ZCWPW2: variants seen among roughly 807,000 people sequenced by gnomAD.
ZCWPW2 encodes zinc finger CW-type and PWWP domain containing 2, also known as zinc finger CW-type PWWP domain protein 2.
Under a neutral mutation model 46.6 loss-of-function variants are expected in ZCWPW2, and 45 were observed. The observed-to-expected ratio is 0.96, with a 90% confidence interval of 0.76 to 1.24. ZCWPW2 has a LOEUF of 1.24. Ranked by LOEUF, ZCWPW2 falls within the 50% of genes most tolerant of loss-of-function variation. The pLI, the probability that ZCWPW2 is intolerant of heterozygous loss-of-function variation, is 0.00. For missense variants in ZCWPW2, 429 were observed against 403.9 expected, an observed-to-expected ratio of 1.06 and a Z score of -0.53; for synonymous variants, 152 against 137.1, an observed-to-expected ratio of 1.11 and a Z score of -0.76.
chr3:28,357,334 C>T (rs1354058551), intron 1 of ZCWPW2, among the ~76,000 whole-genome samples: 1 of 152,162 alleles, frequency 6.6e-6, no homozygotes, highest in Non-Finnish European at 1.5e-5. Flanking sequence ...TCACAAAATA[C>T]AGAAGTGAAA....
At chr3:28,360,387 G>C (rs1346583907) in intron 1 of ZCWPW2, among the ~76,000 whole-genome samples, 1 of 150,174 alleles carries the variant, frequency 6.7e-6, no homozygotes, top group Non-Finnish European at 1.5e-5. Flanking sequence ...GCCAGGCATG[G>C]TGGCGGGTGC....
At chr3:28,460,037 T>C (rs1698566803) in intron 4 of ZCWPW2, among the ~76,000 whole-genome samples, 2 of 152,172 alleles carry the variant, frequency 1.3e-5, no homozygotes, top group African/African-American at 4.8e-5. Context: ...TCCCCAGCCC[T>C]ACCTGCAATG....
At chr3:28,352,126 GCACACACA>G (rs111383620) in intron 1 of ZCWPW2, among the ~76,000 whole-genome samples, 170 of 129,698 alleles carry the variant, frequency 1.3e-3, no homozygotes, top group African/African-American at 4.1e-3. Flanking sequence ...TCAGATGTAT[GCACACACA>G]CACACACACA....
chr3:28,427,338 G>C (rs1185092109), intron 3 of ZCWPW2, among the ~76,000 whole-genome samples: 1 of 152,202 alleles, frequency 6.6e-6, no homozygotes, highest in Non-Finnish European at 1.5e-5. Flanking sequence ...CCTCAAGTCT[G>C]AAAAGATGAT....
At chr3:28,351,305 C>G (rs925334426) in intron 1 of ZCWPW2, among the ~76,000 whole-genome samples, 2 of 150,440 alleles carry the variant, frequency 1.3e-5, no homozygotes, top group African/African-American at 4.9e-5. Flanking sequence ...CTTTTTTCCA[C>G]CCCCTACACC....
chr3:28,498,251 G>C (rs1290263479), intron 6 of ZCWPW2, among the ~76,000 whole-genome samples: 1 of 151,444 alleles, frequency 6.6e-6, no homozygotes, highest in Admixed American at 6.6e-5. Flanking sequence ...GTGTGTGTGT[G>C]TGTGTGTGTG....
intron 4 of ZCWPW2, among the ~76,000 whole-genome samples, chr3:28,467,924 A>G (rs1379627642): frequency 6.6e-6 from 1 of 152,182 alleles, no homozygotes; most frequent in African/African-American, 2.4e-5. Context: ...ACTGATGAAC[A>G]TGCACAAGCA....
chr3:28,402,344 T>G (rs1024018981), intron 2 of ZCWPW2, among the ~76,000 whole-genome samples: 3 of 152,114 alleles, frequency 2.0e-5, no homozygotes, highest in Non-Finnish European at 4.4e-5. Context: ...GAAAAATTCC[T>G]GGAAAGATAC....
intron 1 of ZCWPW2, among the ~76,000 whole-genome samples, chr3:28,381,210 A>G (rs909899426): frequency 6.6e-6 from 1 of 151,006 alleles, no homozygotes; most frequent in Non-Finnish European, 1.5e-5. Context: ...GTTCCAAACT[A>G]TGCAGGAATT....
chr3:28,456,809 T>A (rs1476236022), intron 4 of ZCWPW2, among the ~76,000 whole-genome samples: 1 of 152,202 alleles, frequency 6.6e-6, no homozygotes, highest in African/African-American at 2.4e-5. Flanking sequence ...CGTTGCATCC[T>A]GGGGATGAAG....
intron 3 of ZCWPW2, among the ~76,000 whole-genome samples, chr3:28,430,001 G>T (rs572638826): frequency 1.8e-4 from 27 of 152,362 alleles, no homozygotes; most frequent in African/African-American, 6.5e-4. Context: ...GAGTGCAGAA[G>T]GGAAATGTGG....
intron 1 of ZCWPW2, among the ~76,000 whole-genome samples, chr3:28,366,154 A>G (rs13083571): frequency 7.0e-6 from 1 of 143,520 alleles, no homozygotes; most frequent in South Asian, 2.3e-4. Flanking sequence ...CTGCCTGATT[A>G]CCCTGGCCAG....
At chr3:28,479,174 T>C (rs1285372032) in intron 5 of ZCWPW2, among the ~76,000 whole-genome samples, 1 of 152,220 alleles carries the variant, frequency 6.6e-6, no homozygotes, top group Non-Finnish European at 1.5e-5. Context: ...AGCACTTTTG[T>C]TATCTATCTT....
chr3:28,487,218 T>A (rs1429181981), intron 5 of ZCWPW2, among the ~76,000 whole-genome samples: 2 of 152,122 alleles, frequency 1.3e-5, no homozygotes, highest in African/African-American at 4.8e-5. Context: ...CTCTTTTCAT[T>A]CTGGTATGCC....
chr3:28,390,713 G>T (rs971134921), intron 2 of ZCWPW2, 96 bp downstream of exon 2: 2 of 914,604 alleles, frequency 2.2e-6, no homozygotes, highest in African/African-American at 1.8e-5. Flanking sequence ...ATTTTAAAAT[G>T]TAAAAAAATT....
chr3:28,363,700 A>C (rs1370969522), intron 1 of ZCWPW2, among the ~76,000 whole-genome samples: 2 of 152,158 alleles, frequency 1.3e-5, no homozygotes, highest in Non-Finnish European at 2.9e-5. Flanking sequence ...GATAGGTACC[A>C]GAAAACTAGG....
intron 1 of ZCWPW2, among the ~76,000 whole-genome samples, chr3:28,380,328 A>C (rs1428705285): frequency 2.0e-5 from 3 of 152,102 alleles, no homozygotes; most frequent in African/African-American, 7.2e-5. Context: ...CACCACCCGT[A>C]TAAATGTATG....
chr3:28,458,597 T>C (rs552423346), intron 4 of ZCWPW2, among the ~76,000 whole-genome samples: 1 of 152,296 alleles, frequency 6.6e-6, no homozygotes, highest in South Asian at 2.1e-4. Flanking sequence ...CCAGATCTTA[T>C]GATTACAAAC....
chr3:28,478,989 T>C (rs1699332389), intron 5 of ZCWPW2, 58 bp downstream of exon 5: 7 of 1,127,128 alleles, frequency 6.2e-6, no homozygotes, highest in Non-Finnish European at 8.9e-6. Context: ...AATGCATGTT[T>C]TCCAAAATAT....
Sources: allele counts gnomAD v4.1 joint callset (sites outside exome capture counted in the v4.1 genomes callset), GRCh38; gene constraint gnomAD v4.1.1; transcripts MANE v1.5; gene names NCBI Gene and HGNC (gene_info 2026-07-23, HGNC 2026-07-21).